PEAK1: variants seen among roughly 807,000 people sequenced by gnomAD.
PEAK1 encodes pseudopodium enriched atypical kinase 1.
Under a neutral mutation model 124.7 loss-of-function variants are expected in PEAK1, and 54 were observed. The ratio of observed to expected loss-of-function variants is 0.43; its 90% confidence interval spans 0.35 to 0.54. The LOEUF (loss-of-function observed/expected upper bound fraction) is 0.54. Ranked by LOEUF, PEAK1 falls within the 20% of genes least tolerant of loss-of-function variation. PEAK1 has a pLI of 0.01. For missense variants in PEAK1, 2,046 were observed against 2,134.5 expected, an observed-to-expected ratio of 0.96 and a Z score of 0.82; for synonymous variants, 719 against 760.0, an observed-to-expected ratio of 0.95 and a Z score of 0.89.
chr15:77,275,701 C>A (rs900768848), intron 5 of PEAK1, among the ~76,000 whole-genome samples: 1 of 150,750 alleles, frequency 6.6e-6, no homozygotes, highest in Non-Finnish European at 1.5e-5. Flanking sequence ...CAGTGAGACT[C>A]TGTCTCAAAA....
chr15:77,129,701 C>T (rs897254799), intron 9 of PEAK1, among the ~76,000 whole-genome samples: 5 of 152,014 alleles, frequency 3.3e-5, no homozygotes, highest in African/African-American at 1.2e-4. Flanking sequence ...CTGCCTCAGC[C>T]TCCCAAACTG....
At chr15:77,160,294 C>T (rs1431937472) in intron 7 of PEAK1, among the ~76,000 whole-genome samples, 1 of 152,166 alleles carries the variant, frequency 6.6e-6, no homozygotes, top group East Asian at 1.9e-4. Context: ...TAGTTATCAA[C>T]ATGCTTCAAG....
rs530673534 is a variant in PEAK1 at position 77,405,939 on chromosome 15, A to G, written c.-666+14067T>C. Reference sequence around the variant, plus strand: ...CTAAATTAGAAACCATTGTATCTACAAATTATTTCTATGCTGCTTATGGTG... The same window carrying G: ...CTAAATTAGAAACCATTGTATCTACGAATTATTTCTATGCTGCTTATGGTG... On this transcript the variant is annotated intron_variant, in intron 1 of 9. Transcript: ENST00000682557. Among the ~76,000 whole-genome samples the G allele has an allele frequency of 4.6e-5, 7 of 152,312 alleles. No homozygotes were observed. The South Asian group carries it at 1.4e-3, about 32-fold the overall frequency.
intron 1 of PEAK1, chr15:77,403,526 C>T: frequency 1.0e-6 from 1 of 969,902 alleles, no homozygotes. Flanking sequence ...GTAATAATAG[C>T]TTCCACTGGT....
intron 2 of PEAK1, among the ~76,000 whole-genome samples, chr15:77,294,166 T>C (rs1339316664): frequency 1.3e-5 from 2 of 152,208 alleles, no homozygotes; most frequent in Non-Finnish European, 2.9e-5. Flanking sequence ...AGTGTCTTGA[T>C]GGCCTGATCT....
intron 1 of PEAK1, among the ~76,000 whole-genome samples, chr15:77,406,300 A>C (rs1219512775): frequency 1.8e-4 from 27 of 152,216 alleles, no homozygotes. Context: ...TAAGAGAAAG[A>C]AATAAAGGGC....
At position 77,298,409 on chromosome 15, in the gene PEAK1, G is replaced by A. The variant is rs192021065; in HGVS notation, c.-602-11905C>T. Among the ~76,000 whole-genome samples the A allele has an allele frequency of 3.1e-3, 461 of 150,924 alleles. 9 individuals carry two copies. In the East Asian group the frequency reaches 0.04, roughly 13 times the overall value. ...AATTTTTGGTATTTTTAGTAGAGAC[G>A]GGGTTTCACTGTGTTAGCCAGGATG... On this transcript the variant is annotated intron_variant, in intron 2 of 9. Transcript: ENST00000682557.
rs894788424 is a variant in PEAK1 at position 77,322,652 on chromosome 15, A to G, written c.-602-36148T>C. ...GCAATAATTAATAGCTTACCAACCA[A>G]AAAAAGTCCAGGACCAGATGGATTC... On this transcript the variant is annotated intron_variant, in intron 2 of 9. Coordinates refer to ENST00000682557, the MANE Select transcript of PEAK1 (RefSeq NM_001385026.1). Among the ~76,000 whole-genome samples the G allele has an allele frequency of 3.7e-3, 569 of 152,256 alleles. 6 individuals carry two copies. Among genetic ancestry groups the G allele is most frequent in the African/African-American group, 0.012 (519 of 41,526 alleles).
intron 8 of PEAK1, among the ~76,000 whole-genome samples, chr15:77,136,106 T>C (rs2053300436): frequency 3.9e-5 from 6 of 152,124 alleles, no homozygotes; most frequent in Admixed American, 3.3e-4. Flanking sequence ...GTGCTGATAG[T>C]GATATGAACA....
chr15:77,102,221 T>A (rs1358610824), exon 7 of PEAK1: 1 of 152,272 alleles, frequency 6.6e-6, no homozygotes, highest in Non-Finnish European at 1.5e-5. Flanking sequence ...ACATTTGGGT[T>A]CTTCTGTGAC....
At chr15:77,161,410 T>C (rs1183419167) in intron 7 of PEAK1, among the ~76,000 whole-genome samples, 1 of 152,222 alleles carries the variant, frequency 6.6e-6, no homozygotes, top group African/African-American at 2.4e-5. Context: ...GCACAGCCTA[T>C]ATTCCAGATA....
chr15:77,348,077 C>T, intron 2 of PEAK1: 1 of 983,924 alleles, frequency 1.0e-6, no homozygotes, highest in South Asian at 4.7e-5. Flanking sequence ...ACATTTTGGT[C>T]AGACATTATT....
At chr15:77,163,972 C>T (rs1163392437) in intron 7 of PEAK1, among the ~76,000 whole-genome samples, 1 of 152,152 alleles carries the variant, frequency 6.6e-6, no homozygotes, top group Non-Finnish European at 1.5e-5. Flanking sequence ...GATAACGGAA[C>T]TCTGCAGATG....
intron 5 of PEAK1, chr15:77,255,497 A>G (rs1041307630): frequency 3.9e-6 from 2 of 510,336 alleles, no homozygotes; most frequent in Admixed American, 6.4e-5. Flanking sequence ...GGAAAACATC[A>G]TGAAGACATG....
At chr15:77,341,453 T>A (rs2066527375) in intron 2 of PEAK1, among the ~76,000 whole-genome samples, 1 of 151,654 alleles carries the variant, frequency 6.6e-6, no homozygotes, top group Non-Finnish European at 1.5e-5. Flanking sequence ...TGAGCTGAGA[T>A]CGTGCCACTG....
chr15:77,164,331 T>G (rs1378036265), intron 7 of PEAK1, among the ~76,000 whole-genome samples: 2 of 152,236 alleles, frequency 1.3e-5, no homozygotes, highest in Non-Finnish European at 2.9e-5. Flanking sequence ...TGATATCTGA[T>G]GAGTTCTGCT....
At chr15:77,387,856 CA>C (rs2070086080) in intron 1 of PEAK1, among the ~76,000 whole-genome samples, 1 of 152,152 alleles carries the variant, frequency 6.6e-6, no homozygotes, top group African/African-American at 2.4e-5. Context: ...ATGAAGCACT[CA>C]ATGAATAAAA....
intron 6 of PEAK1, among the ~76,000 whole-genome samples, chr15:77,247,381 T>C (rs2060635019): frequency 1.3e-5 from 2 of 152,214 alleles, no homozygotes; most frequent in South Asian, 4.1e-4. Flanking sequence ...ATTCCTAGTT[T>C]GCTGAGATTA....
intron 8 of PEAK1, among the ~76,000 whole-genome samples, chr15:77,141,745 T>C (rs1322640984): frequency 6.6e-6 from 1 of 152,188 alleles, no homozygotes; most frequent in Non-Finnish European, 1.5e-5. Flanking sequence ...CAACTGATTT[T>C]TGACAAGATT....
Sources: allele counts gnomAD v4.1 joint callset (sites outside exome capture counted in the v4.1 genomes callset), GRCh38; gene constraint gnomAD v4.1.1; transcripts MANE v1.5; gene names NCBI Gene and HGNC (gene_info 2026-07-23, HGNC 2026-07-21).